The following SRRM2 variants were observed in gnomAD, a reference collection of about 807,000 sequenced individuals.
SRRM2 encodes serine/arginine repetitive matrix 2, also known as serine/arginine repetitive matrix protein 2.
In SRRM2, 30 loss-of-function variants were observed where a neutral mutation model predicts 213.8. The ratio of observed to expected loss-of-function variants is 0.14; its 90% CI spans 0.10 to 0.19. SRRM2 has a LOEUF of 0.19. SRRM2 is among the 10% of genes least tolerant of loss of function. SRRM2 has a pLI of 1.00. For missense variants in SRRM2, 4,904 were observed against 3,647.0 expected (o/e 1.34, Z -8.88); for synonymous variants, 2,025 against 1,377.7 (o/e 1.47, Z -10.40).
At position 2,771,340 on chromosome 16, in the gene SRRM2, G is replaced by A. The variant is rs762675808; in HGVS notation, c.*473G>A. 1 of 1,457,158 alleles carries A rather than the reference G, an allele frequency of 6.9e-7. No individual in the cohort carries two copies. The highest frequency in any genetic ancestry group is 1.7e-5 in the Admixed American group (1 of 59,694). 90.3% of individuals were successfully genotyped at this position (1,457,158 alleles called of 1,614,324 possible). On this transcript the variant is annotated 3_prime_UTR_variant, in exon 15 of 15. Coordinates refer to ENST00000301740, the MANE Select transcript of SRRM2 (RefSeq NM_016333.4). ...CCCCCAACTTTTCATGTTTCTTAAA[G>A]GCATTTTGGTTTTTTAAAATCTGTA...
At position 2,767,683 on chromosome 16, in the gene SRRM2, G is replaced by A; in HGVS notation, c.7155G>A (p.Val2385=). ...LSGANLTSPR[V]PLSAYERVSG... is the part of the protein sequence containing the mutation. ...GTGCAAACCTCACCAGCCCCAGGGT[G>A]CCCCTTTCTGCCTACGAGCGTGTCA... Residue 2385 remains valine, a synonymous_variant, in exon 11 of 15, where the codon GTG becomes GTA. Transcript: ENST00000301740. 1.9e-6 allele frequency: 3 copies of A among 1,613,980 alleles called. No homozygotes were observed. The highest frequency in any genetic ancestry group is 2.5e-6 in the Non-Finnish European group (3 of 1,180,006).
At position 2,766,493 on chromosome 16, in the gene SRRM2, G is replaced by T. The variant is rs1325592530; in HGVS notation, c.5965G>T (p.Val1989Phe). ...AAGATCAAGATCCAGAACATCTCCG[G>T]TCACCCGAAGGAGATCTCGATCTCG... ...RRRSRSRTSPVTRRRSRSRTS... is the reference protein window; with the variant it reads ...RRRSRSRTSPFTRRRSRSRTS... The change falls in exon 11 of 15, where the codon GTC becomes TTC. Residue 1989 changes from valine (V) to phenylalanine (F), a missense_variant. By Grantham distance (50) the Val-to-Phe change is conservative. Coordinates refer to ENST00000301740, the MANE Select transcript of SRRM2 (RefSeq NM_016333.4). This position sits in a 1 kb window ranked among gnomAD's most constrained non-coding sequence, Gnocchi z 7.0. The T allele has an allele frequency of 6.2e-7, 1 of 1,613,896 alleles. No individual in the cohort carries two copies.
rs200665835 is a variant in SRRM2 at position 2,762,312 on chromosome 16, G to T, written c.1784G>T (p.Arg595Leu). ...AGAACACCTGCCAGGCGGAGATCAC[G>T]ATCCAGAACTCCCACCAGGCGTAGG... Reference protein sequence around the residue: ...RSRTPARRRSRSRTPTRRRSR... With the variant: ...RSRTPARRRSLSRTPTRRRSR... The change falls in exon 11 of 15, where the codon CGA (arginine) becomes CTA (leucine). Residue 595 changes from arginine to leucine, a missense_variant. Transcript: ENST00000301740. 2 of 1,614,090 alleles carry T rather than the reference G, an allele frequency of 1.2e-6. No homozygotes were observed. The highest frequency in any genetic ancestry group is 2.2e-5 in the South Asian group (2 of 91,056).
rs775383941 is a variant in SRRM2 at position 2,770,462 on chromosome 16, A to G, written c.8132A>G (p.Gln2711Arg). Residue 2711 changes from glutamine (Q) to arginine (R), a missense_variant, in exon 13 of 15, where the codon CAG (glutamine) becomes CGG (arginine). Coordinates refer to ENST00000301740, the MANE Select transcript of SRRM2 (RefSeq NM_016333.4). ...PSPQPSPRDQQSSSSERGSRR... is the reference protein window; with the variant it reads ...PSPQPSPRDQRSSSSERGSRR... Reference sequence around the variant, plus strand: ...CCCCAGCCCTCACCACGGGACCAGCAGAGGTAAGGCCAACTGCAGGTGTCA... The same window carrying G: ...CCCCAGCCCTCACCACGGGACCAGCGGAGGTAAGGCCAACTGCAGGTGTCA... The G allele has an allele frequency of 2.5e-6, 4 of 1,606,140 alleles. No individual in the cohort carries two copies. Among genetic ancestry groups the G allele is most frequent in the Non-Finnish European group, 3.4e-6 (4 of 1,176,654 alleles).
In SRRM2 at chr16:2,763,090, C is replaced by T. The variant is rs568099419; in HGVS notation, c.2562C>T (p.Ser854=). 180 of 1,614,156 alleles carry T rather than the reference C, an allele frequency of 1.1e-4. 1 individual carries two copies. The East Asian group carries it at 2.9e-3, about 26-fold the overall frequency. ...VKSGTPPRQG[S]ITSPQANEQS... ...CTGGAACACCACCGAGGCAAGGGTC[C>T]ATAACAAGTCCCCAGGCCAATGAGC... Residue 854 remains serine, a synonymous_variant, in exon 11 of 15, where the codon TCC becomes TCT. Coordinates refer to ENST00000301740, the MANE Select transcript of SRRM2 (RefSeq NM_016333.4).
At position 2,753,187 on chromosome 16, in the gene SRRM2, T is replaced by G. The variant is rs559755452; in HGVS notation, c.-32+341T>G. Among the ~76,000 whole-genome samples, 4 of 150,584 alleles carry G rather than the reference T, an allele frequency of 2.7e-5. No individual in the cohort carries two copies. In the South Asian group the frequency reaches 8.4e-4, roughly 32 times the overall value. ...GAGGTGGCCTTCCTGCAGCTGCCGTTTTCGGCCCTTAAGTGGCGGGGAAGG... is the reference window on the plus strand; with the variant it reads ...GAGGTGGCCTTCCTGCAGCTGCCGTGTTCGGCCCTTAAGTGGCGGGGAAGG... On this transcript the variant is annotated intron_variant, in intron 1 of 14. Coordinates refer to ENST00000301740, the MANE Select transcript of SRRM2 (RefSeq NM_016333.4).
rs753128718 is a variant in SRRM2, at chr16:2,762,434, C to A, written c.1906C>A (p.Arg636Ser). 3 of 1,613,968 alleles carry A rather than the reference C, an allele frequency of 1.9e-6. No individual in the cohort carries two copies. Among genetic ancestry groups the A allele is most frequent in the Non-Finnish European group, 2.5e-6 (3 of 1,179,998 alleles). Residue 636 changes from arginine to serine, a missense_variant, in exon 11 of 15, where the codon CGT (arginine) becomes AGT (serine). Physicochemically the swap from Arg to Ser is moderately radical, Grantham distance 110. Coordinates refer to ENST00000301740, the MANE Select transcript of SRRM2 (RefSeq NM_016333.4). Reference sequence around the variant, plus strand: ...CCGATCACCAGTACGACGCAGGTCTCGTAGTAGATCACCAGCCAGGAGAAG... The same window carrying A: ...CCGATCACCAGTACGACGCAGGTCTAGTAGTAGATCACCAGCCAGGAGAAG... ...RTRSPVRRRS[R>S]SRSPARRSGR...
In SRRM2 at chr16:2,765,561, C is replaced by A; in HGVS notation, c.5033C>A (p.Pro1678His). The change falls in exon 11 of 15, where the codon CCC becomes CAC. Residue 1678 changes from proline (P) to histidine (H), a missense_variant. Coordinates refer to ENST00000301740, the MANE Select transcript of SRRM2 (RefSeq NM_016333.4). ...ARRGSRSSPE[P>H]KTKSRTPPRR... ...AGAGGTTCCAGGTCATCACCAGAGC[C>A]CAAGACCAAGTCTCGTACACCACCT... The A allele has an allele frequency of 6.2e-7, 1 of 1,614,190 alleles. No individual in the cohort carries two copies. Among genetic ancestry groups the A allele is most frequent in the Non-Finnish European group, 8.5e-7 (1 of 1,180,028 alleles).
chr16:2,758,056 C>A, intron 4 of SRRM2, 111 bp downstream of exon 4: 1 of 1,381,786 alleles, frequency 7.2e-7, no homozygotes, highest in Non-Finnish European at 9.8e-7. Context: ...AGATTTTGTT[C>A]TTCTGAAGTT....
At chr16:2,761,076 A>G (rs2068327839) in intron 10 of SRRM2, among the ~76,000 whole-genome samples, 1 of 152,220 alleles carries the variant, frequency 6.6e-6, no homozygotes, top group South Asian at 2.1e-4. Flanking sequence ...TTTGAATTAT[A>G]TTTAAGGCTT....
chr16:2,754,628 G>A (rs1756716674), intron 1 of SRRM2, among the ~76,000 whole-genome samples: 2 of 152,142 alleles, frequency 1.3e-5, no homozygotes, highest in South Asian at 4.1e-4. Context: ...ATTTTTGTGT[G>A]AGGTGGTATG....
intron 11 of SRRM2, chr16:2,768,658 A>C (rs1190564259): frequency 3.1e-6 from 2 of 643,354 alleles, no homozygotes. Context: ...GCCAACCTGC[A>C]CTCACAGGGG....
rs2068484723 is a variant in SRRM2, at chr16:2,764,848, G to C, written c.4320G>C (p.Arg1440Ser). ...GLPRTPSRRS[R>S]SGSSPGLRDG... The stretch of plus-strand genomic sequence containing the variant: ...CCAGAACTCCATCAAGGAGAAGCAG[G>C]TCTGGGTCTTCTCCAGGACTTAGAG... Residue 1440 changes from arginine to serine, a missense_variant, in exon 11 of 15, where the codon AGG (arginine) becomes AGC (serine). Physicochemically the swap from Arg to Ser is moderately radical, Grantham distance 110. Transcript: ENST00000301740. 1 of 1,614,096 alleles carries C rather than the reference G, an allele frequency of 6.2e-7. No homozygotes were observed. The highest frequency in any genetic ancestry group is 1.3e-5 in the African/African-American group (1 of 74,924).
In SRRM2 at chr16:2,766,882, T is replaced by C. The variant is rs2068565116; in HGVS notation, c.6354T>C (p.Ser2118=). 1 of 1,613,970 alleles carries C rather than the reference T, an allele frequency of 6.2e-7. No homozygotes were observed. The highest frequency in any genetic ancestry group is 8.5e-7 in the Non-Finnish European group (1 of 1,180,022). Residue 2118 remains serine (S), a synonymous_variant, in exon 11 of 15, where the codon AGT becomes AGC. Transcript: ENST00000301740. The surrounding 1 kb of genome is among the most constrained non-coding windows in gnomAD (Gnocchi z 7.0). ...ACAGTTCCAGAATGAGCTGCTTCAG[T>C]CGTCCTAGCATGTCCCCAACACCTC... ...ALNSSRMSCF[S]RPSMSPTPLD...
Position 2,766,106 on chromosome 16 carries a change from C to G in SRRM2, c.5578C>G (p.Pro1860Ala), listed in dbSNP as rs1243570281. 2.5e-6 allele frequency: 4 copies of G among 1,614,164 alleles called. No individual in the cohort carries two copies. The South Asian group carries it at 4.4e-5, about 18-fold the overall frequency. Residue 1860 changes from proline (P) to alanine (A), a missense_variant, in exon 11 of 15, where the codon CCG (proline) becomes GCG (alanine). Pro to Ala is a conservative substitution (Grantham distance 27). Transcript: ENST00000301740. The surrounding 1 kb of genome is among the most constrained non-coding windows in gnomAD (Gnocchi z 7.0). ...TTCTCGCTCACGCACATCACCAGCC[C>G]CGTGGAAACGCTCTAGATCTCGAGC... ...KRSRSRTSPAPWKRSRSRASP... is the reference protein window; with the variant it reads ...KRSRSRTSPAAWKRSRSRASP...
Position 2,759,123 on chromosome 16 carries a change from T to C in SRRM2, c.657-17T>C. 3.7e-6 allele frequency: 6 copies of C among 1,614,102 alleles called. No individual in the cohort carries two copies. The highest frequency in any genetic ancestry group is 5.1e-6 in the Non-Finnish European group (6 of 1,180,016). The stretch of plus-strand genomic sequence containing the variant: ...CAGAGGTGTTTCTTATGTTTTTTCT[T>C]CTCTTTTTTCCAACAGGTCAGAATC... On this transcript the variant is annotated splice_polypyrimidine_tract_variant and intron_variant, in intron 6 of 14. Coordinates refer to ENST00000301740, the MANE Select transcript of SRRM2 (RefSeq NM_016333.4).
intron 1 of SRRM2, among the ~76,000 whole-genome samples, chr16:2,753,143 C>A (rs1596252219): frequency 1.3e-5 from 2 of 151,900 alleles, no homozygotes; most frequent in South Asian, 2.1e-4. Context: ...CTTCACTCCT[C>A]CCCCCAACAT....
chr16:2,759,984 C>T (rs1462485367), intron 9 of SRRM2: 3 of 532,966 alleles, frequency 5.6e-6, no homozygotes, highest in African/African-American at 3.8e-5. Flanking sequence ...TCGGGGAAGG[C>T]TTCCTGAAGG....
intron 7 of SRRM2, 85 bp downstream of exon 7, chr16:2,759,257 C>T: frequency 6.2e-7 from 1 of 1,603,578 alleles, no homozygotes; most frequent in Non-Finnish European, 8.5e-7. Flanking sequence ...ATTCCTTGAT[C>T]TTCCTTGTGT....
Sources: gnomAD v4.1 joint callset for allele counts (sites outside exome capture counted in the v4.1 genomes callset) on GRCh38, gnomAD v4.1.1 for gene constraint, Gnocchi (gnomAD v3.1) non-coding constraint, MANE v1.5 for transcripts, NCBI Gene and HGNC (gene_info 2026-07-23, HGNC 2026-07-21) for gene names.